PRKCE: variants seen among roughly 807,000 people sequenced by gnomAD.
PRKCE encodes protein kinase C epsilon.
In PRKCE, 16 loss-of-function variants were observed where a neutral mutation model predicts 85.4. That is an observed-to-expected ratio of 0.19 (90% CI 0.13 to 0.28). The LOEUF is 0.28. Ranked by LOEUF, PRKCE falls within the 10% of genes least tolerant of loss-of-function variation. The pLI, the probability that PRKCE is intolerant of heterozygous loss-of-function variation, is 1.00. For missense variants in PRKCE, 573 were observed against 975.2 expected (o/e 0.59, Z 5.49); for synonymous variants, 388 against 371.5 (o/e 1.04, Z -0.51).
chr2:45,824,639 T>C (rs980982867), intron 1 of PRKCE, among the ~76,000 whole-genome samples: 13 of 152,134 alleles, frequency 8.5e-5, no homozygotes, highest in African/African-American at 3.1e-4. Context: ...TCTTTTTATT[T>C]TATTATGGAA....
intron 1 of PRKCE, among the ~76,000 whole-genome samples, chr2:45,723,259 C>G (rs1305263020): frequency 1.3e-5 from 2 of 152,156 alleles, no homozygotes; most frequent in Non-Finnish European, 2.9e-5. Flanking sequence ...TAGAAAATGC[C>G]GTGACTCCTC....
At chr2:46,056,606 T>C (rs1043742250) in intron 10 of PRKCE, among the ~76,000 whole-genome samples, 10 of 152,232 alleles carry the variant, frequency 6.6e-5, no homozygotes, top group African/African-American at 2.2e-4. Flanking sequence ...TCTTTTCCTC[T>C]TGAATGTCTT....
chr2:46,090,707 C>G (rs988427659), intron 11 of PRKCE, among the ~76,000 whole-genome samples: 1 of 151,818 alleles, frequency 6.6e-6, no homozygotes, highest in Non-Finnish European at 1.5e-5. Context: ...TTATGAGGAC[C>G]CTGTGGTCTG....
chr2:45,678,438 C>T (rs1303832360), intron 1 of PRKCE, among the ~76,000 whole-genome samples: 1 of 152,216 alleles, frequency 6.6e-6, no homozygotes, highest in African/African-American at 2.4e-5. Context: ...TGTCTTGCAA[C>T]TGCTGTTGGC....
chr2:45,990,905 G>C (rs544029267), intron 6 of PRKCE, among the ~76,000 whole-genome samples: 2 of 151,520 alleles, frequency 1.3e-5, no homozygotes, highest in Non-Finnish European at 2.9e-5. Context: ...CAAGTGATCC[G>C]TCCTCCTCAG....
chr2:46,052,547 T>G (rs1012484097), intron 10 of PRKCE, among the ~76,000 whole-genome samples: 42 of 152,214 alleles, frequency 2.8e-4, no homozygotes, highest in African/African-American at 9.4e-4. Context: ...GAAGACACAG[T>G]ATTATTAAAA....
intron 1 of PRKCE, among the ~76,000 whole-genome samples, chr2:45,824,526 C>G (rs1443120033): frequency 6.6e-6 from 1 of 152,154 alleles, no homozygotes; most frequent in Non-Finnish European, 1.5e-5. Context: ...CTAGAATTAG[C>G]CTTTGGATAA....
intron 2 of PRKCE, among the ~76,000 whole-genome samples, chr2:45,975,234 A>G (rs1702370114): frequency 6.6e-6 from 1 of 152,232 alleles, no homozygotes; most frequent in Non-Finnish European, 1.5e-5. Context: ...TCACTAAGAT[A>G]TAACACACTT....
intron 1 of PRKCE, among the ~76,000 whole-genome samples, chr2:45,703,021 T>TTC (rs1553382469): frequency 2.7e-5 from 4 of 149,960 alleles, no homozygotes; most frequent in Non-Finnish European, 4.4e-5. Context: ...AAGCCTTTTT[T>TTC]CCCCCCCCGT....
At chr2:45,742,597 T>C (rs1161937994) in intron 1 of PRKCE, among the ~76,000 whole-genome samples, 1 of 152,152 alleles carries the variant, frequency 6.6e-6, no homozygotes, top group Non-Finnish European at 1.5e-5. Flanking sequence ...TAAGAATCAG[T>C]ATTATCAAAA....
chr2:45,658,985 A>G lies in PRKCE; in HGVS notation c.348+6537A>G, dbSNP rs1241126284. ...GGTATGGGTAATTGGAAATGAGGAT[A>G]TTTGGGAGCTGGTGTTTTGGTTTTA... On this transcript the variant is annotated intron_variant, in intron 1 of 14. Coordinates refer to ENST00000306156, the MANE Select transcript of PRKCE (RefSeq NM_005400.3). 2.0e-5 allele frequency among the ~76,000 whole-genome samples: 3 copies of G among 152,202 alleles called. No homozygotes were observed. The East Asian group carries it at 5.8e-4, about 29-fold the overall frequency.
chr2:46,136,328 C>T (rs1309647973), intron 11 of PRKCE, among the ~76,000 whole-genome samples: 3 of 152,178 alleles, frequency 2.0e-5, no homozygotes, highest in Non-Finnish European at 4.4e-5. Context: ...AAGGGCCTCA[C>T]GCGTGCTAAC....
At chr2:45,655,057 A>T (rs1342037006) in intron 1 of PRKCE, among the ~76,000 whole-genome samples, 1 of 152,078 alleles carries the variant, frequency 6.6e-6, no homozygotes, top group Admixed American at 6.5e-5. Flanking sequence ...CGTTTCTCTC[A>T]TTTTTGCGGA....
intron 2 of PRKCE, among the ~76,000 whole-genome samples, chr2:45,889,956 T>C (rs569319544): frequency 4.6e-5 from 7 of 152,350 alleles, no homozygotes; most frequent in Admixed American, 1.3e-4. Flanking sequence ...CAGTCCCTTA[T>C]TGAAGTGCCT....
At chr2:46,172,219 C>T (rs542341619) in intron 14 of PRKCE, among the ~76,000 whole-genome samples, 3 of 152,260 alleles carry the variant, frequency 2.0e-5, no homozygotes, top group East Asian at 1.9e-4. Context: ...GTGTCAGAAG[C>T]GCCAGGCCCT....
chr2:46,097,524 A>AAAAAAAAAAAAAACAAAAAAAAAC (rs1670820448), intron 11 of PRKCE, among the ~76,000 whole-genome samples: 1 of 134,342 alleles, frequency 7.4e-6, no homozygotes, highest in Non-Finnish European at 1.8e-5. Context: ...CGTCTCAAAA[A>AAAAAAAAAAAAAACAAAAAAAAAC]AAAAAAAAAA....
At chr2:45,858,767 G>A (rs1692890121) in intron 2 of PRKCE, among the ~76,000 whole-genome samples, 1 of 152,118 alleles carries the variant, frequency 6.6e-6, no homozygotes, top group Non-Finnish European at 1.5e-5. Context: ...CAGGCCGGGT[G>A]CGGTGGCTCA....
At chr2:45,908,932 T>C (rs1315112415) in intron 2 of PRKCE, among the ~76,000 whole-genome samples, 2 of 152,270 alleles carry the variant, frequency 1.3e-5, no homozygotes, top group East Asian at 3.9e-4. Context: ...GCTTTCTACT[T>C]AGCACTCTGA....
intron 11 of PRKCE, among the ~76,000 whole-genome samples, chr2:46,129,330 T>C (rs1474854164): frequency 2.0e-5 from 3 of 152,138 alleles, no homozygotes; most frequent in Non-Finnish European, 2.9e-5. Flanking sequence ...AGGTGCTCAG[T>C]ACGTAGCTGT....
Sources: allele counts gnomAD v4.1 joint callset (sites outside exome capture counted in the v4.1 genomes callset), GRCh38; gene constraint gnomAD v4.1.1; transcripts MANE v1.5; gene names NCBI Gene and HGNC (gene_info 2026-07-23, HGNC 2026-07-21).